The following MACROD2 variants were observed in gnomAD, a reference collection of about 807,000 sequenced individuals.
The protein encoded by MACROD2 is ADP-ribose glycohydrolase MACROD2.
In MACROD2, 36 loss-of-function variants were observed where a neutral mutation model predicts 70.4. That is an observed-to-expected ratio of 0.51 (90% CI 0.39 to 0.68). The LOEUF is 0.68. Among genes scored for constraint, MACROD2 ranks in the 30% least tolerant of loss-of-function variants. The pLI is 0.00. For missense variants in MACROD2, 496 were observed against 538.4 expected (o/e 0.92, Z 0.78); for synonymous variants, 172 against 178.8 (o/e 0.96, Z 0.30).
chr20:15,412,320 A>T (rs1173911658), intron 6 of MACROD2, among the ~76,000 whole-genome samples: 1 of 152,194 alleles, frequency 6.6e-6, no homozygotes, highest in Non-Finnish European at 1.5e-5. Context: ...CATAAGGGAG[A>T]TAAAAGATCA....
At chr20:15,730,613 T>C (rs942623812) in intron 8 of MACROD2, among the ~76,000 whole-genome samples, 3 of 152,058 alleles carry the variant, frequency 2.0e-5, no homozygotes, top group African/African-American at 7.2e-5. Context: ...TAGCTGCCTT[T>C]AACTGTTTTT....
intron 8 of MACROD2, among the ~76,000 whole-genome samples, chr20:15,797,746 G>T (rs1371466261): frequency 2.0e-5 from 3 of 152,126 alleles, no homozygotes; most frequent in Non-Finnish European, 4.4e-5. Flanking sequence ...ATAGAGCAAT[G>T]GTTCTCAAAC....
chr20:14,813,786 A>G (rs1025102714), intron 5 of MACROD2, among the ~76,000 whole-genome samples: 9 of 151,978 alleles, frequency 5.9e-5, no homozygotes, highest in Admixed American at 1.3e-4. Flanking sequence ...TTATGTAGGT[A>G]TGATTGATTA....
At chr20:15,889,815 GA>G (rs1245538246) in intron 10 of MACROD2, among the ~76,000 whole-genome samples, 1 of 152,100 alleles carries the variant, frequency 6.6e-6, no homozygotes, top group Non-Finnish European at 1.5e-5. Context: ...TCCCTCAGGG[GA>G]CAAAGCCATG....
At chr20:15,758,539 C>CT (rs11337973) in intron 8 of MACROD2, among the ~76,000 whole-genome samples, 7,913 of 140,902 alleles carry the variant, frequency 0.056, 319 homozygotes, top group African/African-American at 0.12. Context: ...TGCACCCAGT[C>CT]TTTTTTTTTT....
At chr20:15,167,501 G>A (rs1414136642) in intron 5 of MACROD2, among the ~76,000 whole-genome samples, 2 of 152,078 alleles carry the variant, frequency 1.3e-5, no homozygotes. Flanking sequence ...CAAAAAATTA[G>A]GAAGTTAGAG....
At chr20:15,899,562 T>C (rs2065033330) in intron 10 of MACROD2, among the ~76,000 whole-genome samples, 1 of 152,228 alleles carries the variant, frequency 6.6e-6, no homozygotes, top group Non-Finnish European at 1.5e-5. Context: ...ATGGACTATA[T>C]GTTGCTAAGT....
chr20:14,268,642 C>T (rs967418653), intron 3 of MACROD2, among the ~76,000 whole-genome samples: 4 of 152,094 alleles, frequency 2.6e-5, no homozygotes, highest in African/African-American at 9.7e-5. Context: ...AATCTTACGA[C>T]CAAAAGAAAC....
At chr20:14,468,609 T>C (rs1302820528) in intron 3 of MACROD2, among the ~76,000 whole-genome samples, 1 of 151,374 alleles carries the variant, frequency 6.6e-6, no homozygotes, top group Non-Finnish European at 1.5e-5. Flanking sequence ...GCCTCCCGGG[T>C]TCAAGCAATT....
intron 3 of MACROD2, among the ~76,000 whole-genome samples, chr20:14,317,703 T>C (rs1601467809): frequency 6.6e-6 from 1 of 151,610 alleles, no homozygotes; most frequent in African/African-American, 2.4e-5. Flanking sequence ...TACACCCAAC[T>C]CCAGCCACAG....
intron 5 of MACROD2, among the ~76,000 whole-genome samples, chr20:14,706,226 A>G (rs2071268713): frequency 6.6e-6 from 1 of 152,056 alleles, no homozygotes; most frequent in South Asian, 2.1e-4. Flanking sequence ...AGGCAGGAGA[A>G]TCACCTGAAC....
intron 3 of MACROD2, among the ~76,000 whole-genome samples, chr20:14,466,379 C>T (rs2084448844): frequency 6.6e-6 from 1 of 152,126 alleles, no homozygotes; most frequent in Non-Finnish European, 1.5e-5. Flanking sequence ...TGGTTTTCAG[C>T]TCCATCAGGT....
intron 5 of MACROD2, among the ~76,000 whole-genome samples, chr20:14,989,052 T>C (rs1462240027): frequency 6.6e-6 from 1 of 152,160 alleles, no homozygotes; most frequent in Non-Finnish European, 1.5e-5. Context: ...ATTCTGTGAA[T>C]ACAAAGCAGT....
chr20:15,528,146 TTTTA>T (rs2047746406), intron 8 of MACROD2, among the ~76,000 whole-genome samples: 1 of 151,834 alleles, frequency 6.6e-6, no homozygotes, highest in Non-Finnish European at 1.5e-5. Context: ...ACACATTTTT[TTTTA>T]TTTGAGACAG....
At chr20:14,588,978 G>C (rs1040367080) in intron 4 of MACROD2, among the ~76,000 whole-genome samples, 13 of 152,008 alleles carry the variant, frequency 8.6e-5, no homozygotes, top group Non-Finnish European at 1.8e-4. Flanking sequence ...TTAGAGAGGG[G>C]ATACATTCTT....
At chr20:14,766,343 TG>T (rs2072089092) in intron 5 of MACROD2, among the ~76,000 whole-genome samples, 2 of 152,244 alleles carry the variant, frequency 1.3e-5, no homozygotes, top group Admixed American at 1.3e-4. Context: ...GTAACTGCTC[TG>T]GCACACGGTT....
At chr20:15,203,646 T>C (rs2145932234) in intron 5 of MACROD2, among the ~76,000 whole-genome samples, 1 of 151,980 alleles carries the variant, frequency 6.6e-6, no homozygotes, top group East Asian at 1.9e-4. Context: ...CTATTATTTA[T>C]ATCTGAAATG....
intron 8 of MACROD2, among the ~76,000 whole-genome samples, chr20:15,762,652 C>T (rs2051454943): frequency 6.6e-6 from 1 of 152,176 alleles, no homozygotes; most frequent in African/African-American, 2.4e-5. Flanking sequence ...AGCTGCTCAT[C>T]CTCTTGCACC....
intron 5 of MACROD2, among the ~76,000 whole-genome samples, chr20:14,809,359 A>G (rs1380784805): frequency 2.0e-5 from 3 of 152,138 alleles, no homozygotes; most frequent in African/African-American, 7.2e-5. Flanking sequence ...AAATTAAGGC[A>G]GAAATAAATA....
Sources: gnomAD v4.1 joint callset for allele counts (sites outside exome capture counted in the v4.1 genomes callset) on GRCh38, gnomAD v4.1.1 for gene constraint, MANE v1.5 for transcripts, NCBI Gene and HGNC (gene_info 2026-07-23, HGNC 2026-07-21) for gene names.